Variants in PRKCE observed in about 807,000 individuals in gnomAD.
PRKCE encodes protein kinase C epsilon type.
A neutral mutation model predicts 85.4 loss-of-function variants in PRKCE; 16 were observed. That is an observed-to-expected ratio of 0.19 (90% confidence interval 0.13 to 0.28). The LOEUF (loss-of-function observed/expected upper bound fraction) is 0.28, where lower values mean the gene tolerates loss of function less well. PRKCE is among the 10% of genes least tolerant of loss of function. PRKCE has a pLI of 1.00. For missense variants in PRKCE, 573 were observed against 975.2 expected, an observed-to-expected ratio of 0.59 and a Z score of 5.49; for synonymous variants, 388 against 371.5, an observed-to-expected ratio of 1.04 and a Z score of -0.51.
At chr2:45,791,252 G>A (rs1242357990) in intron 1 of PRKCE, among the ~76,000 whole-genome samples, 2 of 152,176 alleles carry the variant, frequency 1.3e-5, no homozygotes, top group African/African-American at 4.8e-5. Context: ...CTGGTAAAGA[G>A]GTTCCTGCTG....
chr2:45,784,314 C>G (rs779069386), intron 1 of PRKCE, among the ~76,000 whole-genome samples: 1 of 152,192 alleles, frequency 6.6e-6, no homozygotes, highest in African/African-American at 2.4e-5. Context: ...CCCCTGTAGG[C>G]GTGAGGGCCA....
intron 13 of PRKCE, among the ~76,000 whole-genome samples, chr2:46,152,513 C>A (rs899611924): frequency 6.6e-6 from 1 of 151,642 alleles, no homozygotes; most frequent in Non-Finnish European, 1.5e-5. Context: ...ATACCATTAT[C>A]GTAGGTAGAA....
chr2:46,006,028 T>C (rs1705163851), intron 8 of PRKCE, among the ~76,000 whole-genome samples: 1 of 152,196 alleles, frequency 6.6e-6, no homozygotes, highest in African/African-American at 2.4e-5. Flanking sequence ...GCATGCTCTC[T>C]GGCTCTGAGC....
At chr2:45,682,415 A>G (rs1490594230) in intron 1 of PRKCE, among the ~76,000 whole-genome samples, 1 of 151,936 alleles carries the variant, frequency 6.6e-6, no homozygotes, top group Non-Finnish European at 1.5e-5. Flanking sequence ...TTGAGATTCT[A>G]GTTTTATTTT....
chr2:46,089,905 G>A (rs934783725), intron 11 of PRKCE, among the ~76,000 whole-genome samples: 3 of 152,108 alleles, frequency 2.0e-5, no homozygotes, highest in African/African-American at 7.2e-5. Context: ...CTGAGACTTT[G>A]CCCCCATTGT....
chr2:45,689,891 G>T (rs963214222), intron 1 of PRKCE, among the ~76,000 whole-genome samples: 7 of 128,900 alleles, frequency 5.4e-5, no homozygotes, highest in Non-Finnish European at 1.1e-4. Context: ...GACAGAGCAA[G>T]ACTCCATCTC....
rs1383353665 is a variant in PRKCE at position 46,187,154 on chromosome 2, T to C, written c.*2273T>C. 6.6e-6 allele frequency: 1 copy of C among 152,630 alleles called. No homozygotes were observed. The highest frequency in any genetic ancestry group is 1.9e-4 in the East Asian group (1 of 5,196). 9.5% of individuals were successfully genotyped at this position (152,630 alleles called of 1,614,324 possible). The stretch of plus-strand genomic sequence containing the variant: ...TCTGCTTTCTTCACCATAATAAACT[T>C]TGGACAACCAAGCAAGCTCTAACCG... On this transcript the variant is annotated 3_prime_UTR_variant, in exon 15 of 15. Coordinates refer to ENST00000306156, the MANE Select transcript of PRKCE (RefSeq NM_005400.3).
At chr2:45,756,197 T>C (rs1386912828) in intron 1 of PRKCE, among the ~76,000 whole-genome samples, 1 of 152,160 alleles carries the variant, frequency 6.6e-6, no homozygotes, top group Non-Finnish European at 1.5e-5. Context: ...AACATTTGCT[T>C]ATCAGATGAA....
chr2:45,937,766 A>G (rs1699578651), intron 2 of PRKCE, among the ~76,000 whole-genome samples: 1 of 152,188 alleles, frequency 6.6e-6, no homozygotes, highest in Non-Finnish European at 1.5e-5. Context: ...TCGTTCCAAC[A>G]AAAGCTGCCA....
intron 2 of PRKCE, among the ~76,000 whole-genome samples, chr2:45,915,485 C>G (rs1054593139): frequency 6.6e-6 from 1 of 152,120 alleles, no homozygotes; most frequent in African/African-American, 2.4e-5. Flanking sequence ...CCAGTGAACC[C>G]TAAAGAATTC....
intron 1 of PRKCE, among the ~76,000 whole-genome samples, chr2:45,834,215 C>T (rs967787160): frequency 2.6e-5 from 4 of 152,184 alleles, no homozygotes; most frequent in Admixed American, 6.5e-5. Flanking sequence ...ATAATGGCTG[C>T]TGCTAACTTG....
chr2:45,852,723 AT>A (rs1312702382), intron 2 of PRKCE, among the ~76,000 whole-genome samples: 7 of 152,240 alleles, frequency 4.6e-5, no homozygotes, highest in Non-Finnish European at 5.9e-5. Context: ...GTGGGAGATA[AT>A]AAAAATGTTC....
intron 1 of PRKCE, among the ~76,000 whole-genome samples, chr2:45,757,796 T>C (rs1359392718): frequency 6.6e-6 from 1 of 152,106 alleles, no homozygotes; most frequent in Non-Finnish European, 1.5e-5. Flanking sequence ...TCATTGGAAA[T>C]GAGAGGAGAA....
At chr2:46,066,051 G>A (rs1667596386) in intron 10 of PRKCE, among the ~76,000 whole-genome samples, 1 of 152,192 alleles carries the variant, frequency 6.6e-6, no homozygotes, top group Admixed American at 6.5e-5. Context: ...AAAGCTGGAT[G>A]CTGACAGTCC....
intron 1 of PRKCE, among the ~76,000 whole-genome samples, chr2:45,736,357 C>T (rs1682060286): frequency 6.6e-6 from 1 of 152,078 alleles, no homozygotes. Flanking sequence ...ACATGATAGG[C>T]GGGAGTTGGA....
intron 6 of PRKCE, among the ~76,000 whole-genome samples, chr2:45,991,531 T>C (rs138600600): frequency 6.6e-6 from 1 of 152,386 alleles, no homozygotes; most frequent in East Asian, 1.9e-4. Context: ...ACATCTACTT[T>C]ACTTACTAGA....
In PRKCE at chr2:46,068,974, AC is replaced by A. The variant is rs1240909945; in HGVS notation, c.1438-17232del. 2.0e-5 allele frequency among the ~76,000 whole-genome samples: 3 copies of A among 152,180 alleles called. No homozygotes were observed. The highest frequency in any genetic ancestry group is 4.4e-5 in the Non-Finnish European group (3 of 68,038). On this transcript the variant is annotated intron_variant, in intron 10 of 14. Transcript: ENST00000306156. The surrounding 1 kb of genome is among the most constrained non-coding windows in gnomAD (Gnocchi z 4.3). ...TGCAGGATTTCCGGTCCCAACTTAG[AC>A]CTGCAGAATCAGAATATTTGGGTGT...
intron 10 of PRKCE, among the ~76,000 whole-genome samples, chr2:46,053,944 G>C (rs1666312530): frequency 6.6e-6 from 1 of 152,142 alleles, no homozygotes; most frequent in Non-Finnish European, 1.5e-5. Flanking sequence ...CCGCCATACT[G>C]TTTTCCACCG....
At chr2:46,083,598 A>G (rs542240206) in intron 10 of PRKCE, among the ~76,000 whole-genome samples, 1 of 152,296 alleles carries the variant, frequency 6.6e-6, no homozygotes. Flanking sequence ...ATCCAGCTGT[A>G]CTTCCCATGT....
Sources: allele counts gnomAD v4.1 joint callset (sites outside exome capture counted in the v4.1 genomes callset), GRCh38; gene constraint gnomAD v4.1.1; non-coding constraint Gnocchi (gnomAD v3.1); transcripts MANE v1.5; gene names NCBI Gene and HGNC (gene_info 2026-07-23, HGNC 2026-07-21).